PRKAR1B: variants seen among roughly 807,000 people sequenced by gnomAD.
PRKAR1B encodes the protein protein kinase cAMP-dependent type I regulatory subunit beta.
A neutral mutation model predicts 46.5 loss-of-function variants in PRKAR1B; 22 were observed. The observed-to-expected ratio is 0.47, with a 90% CI of 0.34 to 0.68. PRKAR1B has a LOEUF of 0.68. PRKAR1B is among the 30% of genes least tolerant of loss of function. The pLI, the probability that PRKAR1B is intolerant of heterozygous loss-of-function variation, is 0.01. For missense variants in PRKAR1B, 445 were observed against 535.6 expected, an observed-to-expected ratio of 0.83 and a Z score of 1.67; for synonymous variants, 259 against 217.7, an observed-to-expected ratio of 1.19 and a Z score of -1.67.
chr7:724,428 G>A (rs1272854758), intron 1 of PRKAR1B, among the ~76,000 whole-genome samples: 2 of 152,122 alleles, frequency 1.3e-5, no homozygotes, highest in African/African-American at 4.8e-5. Flanking sequence ...CCCTGCACAG[G>A]CTCTCTCATT....
Position 711,495 on chromosome 7 carries a change from G to C in PRKAR1B, c.11C>G (p.Pro4Arg), listed in dbSNP as rs769267700. Residue 4 changes from proline to arginine, a missense_variant, in exon 2 of 11, where the codon CCG becomes CGG. Pro to Arg is a moderately radical substitution (Grantham distance 103). This residue lies in a region of PRKAR1B where 155 missense variants were observed against 127.5 expected (regional missense o/e 1.22). Transcript: ENST00000537384. ...GTCCTCCTCCGAGGGGCAGGCGGGCGGGGAGGCCATGGCGAGGGTGGCTGC... is the reference window on the plus strand; with the variant it reads ...GTCCTCCTCCGAGGGGCAGGCGGGCCGGGAGGCCATGGCGAGGGTGGCTGC... MAS[P>R]PACPSEEDES... 6.2e-7 allele frequency: 1 copy of C among 1,613,528 alleles called. No homozygotes were observed. The highest frequency in any genetic ancestry group is 1.7e-5 in the Admixed American group (1 of 60,004).
At chr7:662,064 A>C (rs1200774627) in intron 4 of PRKAR1B, among the ~76,000 whole-genome samples, 1 of 39,350 alleles carries the variant, frequency 2.5e-5, no homozygotes, top group Admixed American at 3.3e-4. Context: ...ACAGGTCCCC[A>C]CCCCAACGGG....
chr7:664,995 G>T (rs1785825651), intron 4 of PRKAR1B, among the ~76,000 whole-genome samples: 2 of 151,854 alleles, frequency 1.3e-5, no homozygotes, highest in Non-Finnish European at 2.9e-5. Flanking sequence ...TCACCTGGGG[G>T]AAGTGGTAAG....
chr7:721,068 A>G (rs1455618739), intron 1 of PRKAR1B, among the ~76,000 whole-genome samples: 1 of 152,202 alleles, frequency 6.6e-6, no homozygotes, highest in African/African-American at 2.4e-5. Flanking sequence ...ATCACCATAT[A>G]CATATGCAAC....
At chr7:711,686 G>A (rs941574766) in intron 1 of PRKAR1B, among the ~76,000 whole-genome samples, 159 bp from the exon 2 acceptor site, 6 of 152,214 alleles carry the variant, frequency 3.9e-5, no homozygotes, top group African/African-American at 1.4e-4. Context: ...GCCAGGTGAG[G>A]TGTTAAACGT....
At chr7:628,510 C>T (rs903523909) in intron 4 of PRKAR1B, among the ~76,000 whole-genome samples, 3 of 152,246 alleles carry the variant, frequency 2.0e-5, no homozygotes, top group Non-Finnish European at 2.9e-5. Context: ...ACCGGGTTGC[C>T]GGGCTGGAGC....
chr7:592,775 A>G (rs1267219822), intron 7 of PRKAR1B, among the ~76,000 whole-genome samples: 2 of 152,222 alleles, frequency 1.3e-5, no homozygotes, highest in African/African-American at 4.8e-5. Context: ...CCTCACACCT[A>G]TAGACCCAGC....
intron 2 of PRKAR1B, among the ~76,000 whole-genome samples, chr7:705,934 G>C (rs193183388): frequency 1.6e-4 from 24 of 152,280 alleles, no homozygotes; most frequent in African/African-American, 5.8e-4. Context: ...GCTGAGGCAG[G>C]AGAATTGCTT....
At chr7:582,004 C>A (rs976232058) in intron 8 of PRKAR1B, among the ~76,000 whole-genome samples, 3 of 152,238 alleles carry the variant, frequency 2.0e-5, no homozygotes, top group African/African-American at 7.2e-5. Flanking sequence ...CAGGCATGTA[C>A]CATCATGTCC....
intron 1 of PRKAR1B, chr7:726,827 C>G: frequency 7.5e-7 from 1 of 1,326,944 alleles, no homozygotes; most frequent in South Asian, 2.0e-5. Flanking sequence ...CGCCTGCTGC[C>G]GGGGCTGGAG....
rs552863856 is a variant in PRKAR1B, at chr7:634,115, C to T, written c.441-26663G>A. ...TCAGCTCACTGCAACCTCTGCCTCC[C>T]AGGTTCACGCCATTCTCCTGCCTCA... On this transcript the variant is annotated intron_variant, in intron 4 of 10. Transcript: ENST00000537384. 1.6e-3 allele frequency among the ~76,000 whole-genome samples: 239 copies of T among 152,154 alleles called. 2 individuals carry two copies. Among genetic ancestry groups the T allele is most frequent in the African/African-American group, 5.5e-3 (230 of 41,506 alleles).
chr7:558,233 C>A (rs187713432), intron 9 of PRKAR1B, among the ~76,000 whole-genome samples: 49 of 143,736 alleles, frequency 3.4e-4, no homozygotes, highest in African/African-American at 1.2e-3. Flanking sequence ...GGCTGAGGTG[C>A]GAGGATCGCT....
chr7:582,314 A>C (rs3924212), intron 8 of PRKAR1B, among the ~76,000 whole-genome samples: 66,541 of 152,176 alleles, frequency 0.44, 15,401 homozygotes, highest in African/African-American at 0.54. Flanking sequence ...CAGGCACAAA[A>C]GCCGTTCCCA....
chr7:711,969 G>A (rs978490223), intron 1 of PRKAR1B, among the ~76,000 whole-genome samples: 1 of 151,922 alleles, frequency 6.6e-6, no homozygotes, highest in Non-Finnish European at 1.5e-5. Context: ...CCTCAGGGGA[G>A]GGGGAGATGA....
chr7:692,518 T>C (rs961131552), intron 2 of PRKAR1B, among the ~76,000 whole-genome samples: 3 of 142,576 alleles, frequency 2.1e-5, no homozygotes, highest in Non-Finnish European at 4.4e-5. Flanking sequence ...GCTCTGGGCC[T>C]TTGTAGAAAT....
intron 4 of PRKAR1B, among the ~76,000 whole-genome samples, chr7:652,509 T>C (rs547685633): frequency 1.3e-5 from 2 of 151,626 alleles, no homozygotes; most frequent in South Asian, 4.2e-4. Context: ...CACACAGTGC[T>C]AGGAACCTGG....
intron 10 of PRKAR1B, among the ~76,000 whole-genome samples, chr7:551,127 G>A (rs931079093): frequency 1.3e-5 from 2 of 152,122 alleles, no homozygotes; most frequent in South Asian, 2.1e-4. Flanking sequence ...CCAGAAGCAG[G>A]AGGCTGCCTC....
intron 5 of PRKAR1B, among the ~76,000 whole-genome samples, 173 bp downstream of exon 5, chr7:607,218 C>T (rs922974017): frequency 5.9e-5 from 9 of 151,958 alleles, no homozygotes; most frequent in African/African-American, 2.2e-4. Context: ...GTCACCTGGA[C>T]CACCAGGCTG....
At chr7:671,824 T>C (rs1786271789) in intron 4 of PRKAR1B, among the ~76,000 whole-genome samples, 1 of 152,200 alleles carries the variant, frequency 6.6e-6, no homozygotes, top group South Asian at 2.1e-4. Context: ...AGCTCTCCCC[T>C]GCCCCAGCCA....
Sources: gnomAD v4.1 joint callset for allele counts (sites outside exome capture counted in the v4.1 genomes callset) on GRCh38, gnomAD v4.1.1 for gene constraint, gnomAD v4.1.1 regional missense constraint, MANE v1.5 for transcripts, NCBI Gene and HGNC (gene_info 2026-07-23, HGNC 2026-07-21) for gene names.